Variants in DNAAF4 observed in about 807,000 individuals in gnomAD.
The protein encoded by DNAAF4 is dynein axonemal assembly factor 4, also known as dynein assembly factor 4, axonemal.
Under a neutral mutation model 51.8 loss-of-function variants are expected in DNAAF4, and 43 were observed. That is an observed-to-expected ratio of 0.83 (90% CI 0.65 to 1.07). The LOEUF (loss-of-function observed/expected upper bound fraction) is 1.07, where lower values mean the gene tolerates loss of function less well. DNAAF4 is among the 50% of genes least tolerant of loss of function. The probability of loss-of-function intolerance (pLI) is 0.00; values close to 1 mark genes in which losing one functional copy is unlikely to be tolerated. For synonymous variants in DNAAF4, 194 were observed against 165.6 expected, an observed-to-expected ratio of 1.17 and a Z score of -1.32; for missense variants, 581 against 493.0, an observed-to-expected ratio of 1.18 and a Z score of -1.69.
Position 55,498,471 on chromosome 15 carries a change from G to C in DNAAF4, c.-142C>G, listed in dbSNP as rs2141605032. 7.7e-7 allele frequency: 1 copy of C among 1,290,580 alleles called. No homozygotes were observed. The highest frequency in any genetic ancestry group is 1.0e-6 in the Non-Finnish European group (1 of 966,158). 79.9% of individuals were successfully genotyped at this position (1,290,580 alleles called of 1,614,324 possible). ...GCGTTCCCAGCGTGCTCCGGCGCCA[G>C]CACCTCGCGGACTCCATGCGTGACT... On this transcript the variant is annotated 5_prime_UTR_variant, in exon 2 of 10. Transcript: ENST00000321149.
At chr15:55,490,930 G>A in intron 4 of DNAAF4, 193 bp downstream of exon 4, 1 of 530,788 alleles carries the variant, frequency 1.9e-6, no homozygotes, top group South Asian at 3.7e-5. Context: ...CTCCAGCCTG[G>A]GCGACAGAGT....
intron 8 of DNAAF4, 28 bp from the exon 9 acceptor site, chr15:55,432,630 G>GA (rs2057514295): frequency 6.4e-7 from 1 of 1,563,702 alleles, no homozygotes; most frequent in Non-Finnish European, 8.7e-7. Context: ...ATTATTACAA[G>GA]AAAGTTATAG....
chr15:55,506,555 C>A (rs2058728297), intron 1 of DNAAF4, among the ~76,000 whole-genome samples: 1 of 152,144 alleles, frequency 6.6e-6, no homozygotes, highest in Non-Finnish European at 1.5e-5. Context: ...CAAATGTCTT[C>A]TGGGTTTCAG....
At chr15:55,459,737 T>C (rs1038146521) in intron 5 of DNAAF4, among the ~76,000 whole-genome samples, 2 of 151,910 alleles carry the variant, frequency 1.3e-5, no homozygotes, top group Non-Finnish European at 2.9e-5. Context: ...AGAGTCTCCT[T>C]CTGTTGCCCA....
intron 4 of DNAAF4, among the ~76,000 whole-genome samples, chr15:55,480,704 C>G (rs2058397375): frequency 6.6e-6 from 1 of 151,118 alleles, no homozygotes; most frequent in South Asian, 2.1e-4. Flanking sequence ...AAATAGTGGG[C>G]TTCCAACTTC....
chr15:55,448,730 C>T (rs1009529197), intron 6 of DNAAF4, among the ~76,000 whole-genome samples: 7 of 151,162 alleles, frequency 4.6e-5, no homozygotes, highest in African/African-American at 7.3e-5. Context: ...ATTAGCTGGG[C>T]GTGGCGGTGG....
chr15:55,465,683 C>T (rs571401828), intron 5 of DNAAF4, among the ~76,000 whole-genome samples: 7 of 151,840 alleles, frequency 4.6e-5, no homozygotes, highest in East Asian at 3.9e-4. Context: ...TCTCCTGCCT[C>T]GGCCTCCTGA....
At chr15:55,427,069 T>G (rs1442928755), downstream of DNAAF4, among the ~76,000 whole-genome samples, 3 of 151,906 alleles carry the variant, frequency 2.0e-5, no homozygotes, top group African/African-American at 4.8e-5. Flanking sequence ...TGTTTTTTTT[T>G]GTTTGTTTGT....
intron 1 of DNAAF4, among the ~76,000 whole-genome samples, chr15:55,506,728 G>A (rs550201756): frequency 6.6e-6 from 1 of 152,148 alleles, no homozygotes; most frequent in Admixed American, 6.5e-5. Flanking sequence ...ACACAAAACA[G>A]AATATTATAC....
chr15:55,482,721 T>C (rs764849105), intron 4 of DNAAF4, among the ~76,000 whole-genome samples: 26 of 151,986 alleles, frequency 1.7e-4, no homozygotes, highest in Non-Finnish European at 3.4e-4. Context: ...ACTTAAATAC[T>C]AGAAGTACAT....
chr15:55,446,358 G>A (rs1426839645), intron 6 of DNAAF4, among the ~76,000 whole-genome samples: 31 of 127,080 alleles, frequency 2.4e-4, no homozygotes, highest in African/African-American at 9.7e-4. Flanking sequence ...GCCAGGCAGA[G>A]GCACTCCTCA....
At chr15:55,486,337 G>A (rs920248362) in intron 4 of DNAAF4, among the ~76,000 whole-genome samples, 2 of 151,822 alleles carry the variant, frequency 1.3e-5, no homozygotes, top group African/African-American at 4.8e-5. Context: ...AAGATTACAG[G>A]TGCCTGCCAC....
chr15:55,496,193 T>G (rs1297674916), intron 3 of DNAAF4, among the ~76,000 whole-genome samples: 1 of 152,174 alleles, frequency 6.6e-6, no homozygotes, highest in Non-Finnish European at 1.5e-5. Context: ...ATCGCATCAC[T>G]GCACTCCAGC....
rs1411088262 is a variant in DNAAF4, at chr15:55,467,011, T to C, written c.556A>G (p.Lys186Glu). Residue 186 changes from lysine to glutamate, a missense_variant, in exon 5 of 10, where the codon AAG becomes GAG. Physicochemically the swap from Lys to Glu is moderately conservative, Grantham distance 56. Coordinates refer to ENST00000321149, the MANE Select transcript of DNAAF4 (RefSeq NM_130810.4). ...TTTTTTCTTTCTTCTTTAATTTGCT[T>C]TTCTTTTTGACATAATTTCTCTTCT... ...QREEKLCQKEKQIKEERKKIK... is the reference protein window; with the variant it reads ...QREEKLCQKEEQIKEERKKIK... 2 of 1,576,680 alleles carry C rather than the reference T, an allele frequency of 1.3e-6. No individual in the cohort carries two copies. Among genetic ancestry groups the C allele is most frequent in the African/African-American group, 2.8e-5 (2 of 72,202 alleles).
intron 3 of DNAAF4, among the ~76,000 whole-genome samples, chr15:55,494,031 G>GT (rs58176526): frequency 0.081 from 11,235 of 138,042 alleles, 847 homozygotes; most frequent in African/African-American, 0.21. Context: ...TTTCTTTCTT[G>GT]TTTTTTTTTT....
intron 7 of DNAAF4, among the ~76,000 whole-genome samples, chr15:55,438,432 C>G (rs1186853390): frequency 1.3e-5 from 2 of 151,602 alleles, no homozygotes; most frequent in Admixed American, 6.6e-5. Flanking sequence ...ATATGGTAAT[C>G]TTTTTTGTGT....
chr15:55,455,723 T>C (rs183647825), intron 5 of DNAAF4, among the ~76,000 whole-genome samples: 2 of 152,150 alleles, frequency 1.3e-5, no homozygotes, highest in Non-Finnish European at 2.9e-5. Flanking sequence ...TTAGCCACCA[T>C]GCCCAGGCTC....
chr15:55,449,270 G>A (rs558711118), intron 6 of DNAAF4, among the ~76,000 whole-genome samples: 10 of 151,096 alleles, frequency 6.6e-5, no homozygotes, highest in African/African-American at 9.7e-5. Flanking sequence ...AATTACAGGC[G>A]TGAGCCACCA....
At position 55,464,848 on chromosome 15, in the gene DNAAF4, G is replaced by A. The variant is rs111660567; in HGVS notation, c.637+2082C>T. On this transcript the variant is annotated intron_variant, in intron 5 of 9. Transcript: ENST00000321149. ...TACATGCCTGTAATCCTAGCTACTC[G>A]GGAGGCTGAAGCAGGAGAATCGCTT... is the stretch of plus-strand genomic sequence containing the variant. 6.6e-5 allele frequency among the ~76,000 whole-genome samples: 10 copies of A among 152,160 alleles called. 1 individual carries two copies. The highest frequency in any genetic ancestry group is 1.7e-4 in the African/African-American group (7 of 41,514).
Sources: allele counts gnomAD v4.1 joint callset (sites outside exome capture counted in the v4.1 genomes callset), GRCh38; gene constraint gnomAD v4.1.1; transcripts MANE v1.5; gene names NCBI Gene and HGNC (gene_info 2026-07-23, HGNC 2026-07-21).